CPLX2: variants seen among roughly 807,000 people sequenced by gnomAD.
CPLX2 encodes complexin-2.
A neutral mutation model predicts 16.3 loss-of-function variants in CPLX2; 5 were observed. The ratio of observed to expected loss-of-function variants is 0.31; its 90% CI spans 0.16 to 0.64. The LOEUF is 0.64. Among genes scored for constraint, CPLX2 ranks in the 30% least tolerant of loss-of-function variants. The probability of loss-of-function intolerance (pLI) is 0.79; values close to 1 mark genes in which losing one functional copy is unlikely to be tolerated. For synonymous variants in CPLX2, 89 were observed against 73.2 expected (o/e 1.22, Z -1.10); for missense variants, 144 against 181.4 (o/e 0.79, Z 1.18).
chr5:175,838,800 T>C (rs1758892150), intron 2 of CPLX2, among the ~76,000 whole-genome samples: 1 of 152,252 alleles, frequency 6.6e-6, no homozygotes, highest in Non-Finnish European at 1.5e-5. Flanking sequence ...ATCTTCACTC[T>C]AACTTTCTTA....
At chr5:175,870,300 C>T (rs2113701436), upstream of CPLX2, among the ~76,000 whole-genome samples, 1 of 152,292 alleles carries the variant, frequency 6.6e-6, no homozygotes, top group Non-Finnish European at 1.5e-5. Context: ...CACCAATGGC[C>T]TCTGACTGGT....
At chr5:175,812,144 T>G (rs764078335) in intron 2 of CPLX2, among the ~76,000 whole-genome samples, 1 of 152,202 alleles carries the variant, frequency 6.6e-6, no homozygotes, top group Non-Finnish European at 1.5e-5. Flanking sequence ...CAGGCAGTGT[T>G]TGCTGAAGGG....
In CPLX2 at chr5:175,811,321, C is replaced by G. The variant is rs187132045; in HGVS notation, c.-89+2253C>G. On this transcript the variant is annotated intron_variant, in intron 2 of 4. Transcript: ENST00000359546. ...GGCTGTTGGTTGGCCTGTCTCCAGG[C>G]CAGAAAGGAGGATCTTTCTCCAGCC... Among the ~76,000 whole-genome samples, 955 of 152,248 alleles carry G rather than the reference C, an allele frequency of 6.3e-3. 12 individuals are homozygous for G. Among genetic ancestry groups the G allele is most frequent in the African/African-American group, 0.022 (915 of 41,550 alleles).
intron 1 of CPLX2, chr5:175,805,671 C>T (rs1158568052): frequency 6.6e-6 from 1 of 152,390 alleles, no homozygotes; most frequent in Non-Finnish European, 1.5e-5. Flanking sequence ...CCTTCCAGCA[C>T]AGTCAGAGGA....
chr5:175,838,413 G>A (rs1256689545), intron 2 of CPLX2, among the ~76,000 whole-genome samples: 3 of 151,876 alleles, frequency 2.0e-5, no homozygotes, highest in East Asian at 1.9e-4. Context: ...GACTACAGGC[G>A]CCCACCACCA....
At chr5:175,841,957 C>G (rs908474597) in intron 2 of CPLX2, among the ~76,000 whole-genome samples, 1 of 152,250 alleles carries the variant, frequency 6.6e-6, no homozygotes, top group Admixed American at 6.5e-5. Flanking sequence ...CCCCACTCTC[C>G]TAGCACTCGC....
At chr5:175,871,442 A>AGG (rs1759602485), upstream of CPLX2, 2 of 80,488 alleles carry the variant, frequency 2.5e-5, no homozygotes, top group East Asian at 3.5e-4. Flanking sequence ...ACAGAGAGAG[A>AGG]GAGAGAGAGA....
chr5:175,810,855 G>A (rs891034664), intron 2 of CPLX2, among the ~76,000 whole-genome samples: 1 of 151,174 alleles, frequency 6.6e-6, no homozygotes, highest in African/African-American at 2.4e-5. Flanking sequence ...TGGTCAGGTG[G>A]AATTTGGTCT....
chr5:175,867,895 G>A (rs371920754), upstream of CPLX2, among the ~76,000 whole-genome samples: 42 of 152,342 alleles, frequency 2.8e-4, 1 homozygote, highest in South Asian at 8.5e-3. Context: ...CCCTCACAGT[G>A]ATGGCACCCG....
chr5:175,858,036 A>G (rs1377386462), intron 2 of CPLX2, among the ~76,000 whole-genome samples: 2 of 152,212 alleles, frequency 1.3e-5, no homozygotes, highest in Admixed American at 1.3e-4. Flanking sequence ...TCAACATCCC[A>G]CTTTGCAAAT....
chr5:175,842,440 G>A (rs1416364682), intron 2 of CPLX2, among the ~76,000 whole-genome samples: 1 of 152,220 alleles, frequency 6.6e-6, no homozygotes, highest in Admixed American at 6.5e-5. Flanking sequence ...GGTGAAGCCT[G>A]ACTGCAAACC....
intron 2 of CPLX2, among the ~76,000 whole-genome samples, chr5:175,820,394 C>T (rs1758483071): frequency 6.6e-6 from 1 of 152,210 alleles, no homozygotes; most frequent in African/African-American, 2.4e-5. Flanking sequence ...GCAGGGTCAG[C>T]CTCTTCACGT....
chr5:175,798,740 C>T (rs1223950431), intron 1 of CPLX2, among the ~76,000 whole-genome samples: 3 of 152,082 alleles, frequency 2.0e-5, no homozygotes, highest in Admixed American at 6.6e-5. Flanking sequence ...TAACCCCCCA[C>T]ATACCCATCA....
At chr5:175,858,150 C>A (rs751525830) in intron 2 of CPLX2, among the ~76,000 whole-genome samples, 54 of 152,318 alleles carry the variant, frequency 3.5e-4, no homozygotes, top group Non-Finnish European at 2.9e-5. Context: ...TGCCATTCCC[C>A]GGGGAAAAGA....
upstream of CPLX2, chr5:175,871,463 G>A (rs1759610442): frequency 1.4e-5 from 2 of 147,436 alleles, no homozygotes; most frequent in African/African-American, 5.0e-5. Context: ...GAGAGAGAGA[G>A]AGAGAGAGAG....
At chr5:175,800,727 T>A (rs1466406579) in intron 1 of CPLX2, among the ~76,000 whole-genome samples, 2 of 152,158 alleles carry the variant, frequency 1.3e-5, no homozygotes, top group African/African-American at 4.8e-5. Context: ...CTATTCTGTG[T>A]CGGGCACCAT....
chr5:175,864,507 T>C (rs560757753), intron 2 of CPLX2, among the ~76,000 whole-genome samples: 2 of 152,364 alleles, frequency 1.3e-5, no homozygotes, highest in East Asian at 3.9e-4. Flanking sequence ...TGCGGGCATC[T>C]GTCTCCCACT....
chr5:175,876,796 G>C (rs1215737782), intron 1 of CPLX2, among the ~76,000 whole-genome samples: 1 of 152,152 alleles, frequency 6.6e-6, no homozygotes, highest in African/African-American at 2.4e-5. Flanking sequence ...AAGAGTTTCT[G>C]AAATCACTTG....
chr5:175,864,370 C>T (rs1367458600), intron 2 of CPLX2, among the ~76,000 whole-genome samples: 1 of 152,168 alleles, frequency 6.6e-6, no homozygotes, highest in African/African-American at 2.4e-5. Context: ...ACCAGCCACC[C>T]CTGCCCCTTC....
Sources: gnomAD v4.1 joint callset for allele counts (sites outside exome capture counted in the v4.1 genomes callset) on GRCh38, gnomAD v4.1.1 for gene constraint, MANE v1.5 for transcripts, NCBI Gene and HGNC (gene_info 2026-07-23, HGNC 2026-07-21) for gene names.